TNFSF10: variants seen among roughly 807,000 people sequenced by gnomAD.
TNFSF10 encodes the protein TNF superfamily member 10.
Under a neutral mutation model 29.5 loss-of-function variants are expected in TNFSF10, and 13 were observed. The ratio of observed to expected loss-of-function variants is 0.44; its 90% confidence interval spans 0.29 to 0.70. TNFSF10 has a LOEUF of 0.70. TNFSF10 is among the 30% of genes least tolerant of loss of function. TNFSF10 has a pLI of 0.13. For missense variants in TNFSF10, 345 were observed against 330.9 expected (o/e 1.04, Z -0.33); for synonymous variants, 111 against 112.8 (o/e 0.98, Z 0.10).
chr3:172,517,890 A>G, intron 1 of TNFSF10: 12 of 985,398 alleles, frequency 1.2e-5, no homozygotes, highest in Non-Finnish European at 1.4e-5. Context: ...ATAAATATTG[A>G]TTTCTGAACA....
chr3:172,517,190 G>A (rs1713470611), intron 1 of TNFSF10, among the ~76,000 whole-genome samples: 1 of 152,238 alleles, frequency 6.6e-6, no homozygotes, highest in African/African-American at 2.4e-5. Context: ...TGATCAGGCA[G>A]TAATGGCAGC....
chr3:172,508,533 A>G (rs941426304), intron 4 of TNFSF10, among the ~76,000 whole-genome samples: 13 of 152,146 alleles, frequency 8.5e-5, no homozygotes, highest in Non-Finnish European at 1.8e-4. Context: ...TAGAACCTTT[A>G]AAGAGAAGGG....
In TNFSF10 at chr3:172,514,923, C is replaced by T. The variant is rs544142451; in HGVS notation, c.208G>A (p.Glu70Lys). ...CAGCAGGGGCTGTTCATACTCTCTT[C>T]GTCATTGGGGTCCCAATAACTGTCA... ...EDDSYWDPND[E>K]ESMNSPCWQV... Residue 70 changes from glutamate (E) to lysine (K), a missense_variant, in exon 2 of 5, where the codon GAA becomes AAA. Glu to Lys is a moderately conservative substitution (Grantham distance 56). Transcript: ENST00000241261. 1.6e-5 allele frequency: 26 copies of T among 1,614,140 alleles called. No individual in the cohort carries two copies. Among genetic ancestry groups the T allele is most frequent in the East Asian group, 6.7e-5 (3 of 44,896 alleles).
At chr3:172,518,097 C>T (rs1713515831) in intron 1 of TNFSF10, 1 of 1,012,732 alleles carries the variant, frequency 9.9e-7, no homozygotes, top group South Asian at 3.8e-5. Flanking sequence ...CCCATCCTTT[C>T]CACTTCAAAA....
chr3:172,522,471 A>G (rs1322421120), intron 1 of TNFSF10: 1 of 1,311,252 alleles, frequency 7.6e-7, no homozygotes, highest in South Asian at 1.2e-5. Flanking sequence ...ATTGGTTAGA[A>G]TCTCTTACTG....
At chr3:172,511,800 C>A in intron 2 of TNFSF10, 141 bp from the exon 3 acceptor site, 2 of 636,874 alleles carry the variant, frequency 3.1e-6, no homozygotes, top group East Asian at 2.9e-5. Flanking sequence ...GTTGGTCAAG[C>A]ATAGGGTCTG....
At position 172,509,314 on chromosome 3, in the gene TNFSF10, T is replaced by C; in HGVS notation, c.321A>G (p.Gln107=). 6.2e-7 allele frequency: 1 copy of C among 1,613,368 alleles called. No individual in the cohort carries two copies. Among genetic ancestry groups the C allele is most frequent in the Non-Finnish European group, 8.5e-7 (1 of 1,179,660 alleles). The stretch of plus-strand genomic sequence containing the variant: ...CTCTCACTAGGGGAGAAATATTTTG[T>C]TGCTTTTCTAAAAGAGAAATGATAA... ...EETISTVQEK[Q]QNISPLVRER... is the part of the protein sequence containing the mutation. The change falls in exon 4 of 5, where the codon CAA becomes CAG. Residue 107 remains glutamine (Q), a synonymous_variant. Transcript: ENST00000241261.
chr3:172,509,271 C>G lies in TNFSF10; in HGVS notation c.364G>C (p.Val122Leu), dbSNP rs751437663. The change falls in exon 4 of 5, where the codon GTA (valine) becomes CTA (leucine). Residue 122 changes from valine (V) to leucine (L), a missense_variant. Coordinates refer to ENST00000241261, the MANE Select transcript of TNFSF10 (RefSeq NM_003810.4). ...CTGGTCCCAGTTATGTGAGCTGCTA[C>G]TCTCTGAGGACCTCTTTCTCTCACT... The part of the protein sequence containing the change: ...PLVRERGPQR[V>L]AAHITGTRGR... The G allele has an allele frequency of 3.1e-6, 5 of 1,613,914 alleles. No homozygotes were observed. Among genetic ancestry groups the G allele is most frequent in the Non-Finnish European group, 4.2e-6 (5 of 1,179,896 alleles).
rs1712986653 is a variant in TNFSF10 at position 172,506,478 on chromosome 3, T to G, written c.*14A>C. The G allele has an allele frequency of 1.3e-6, 2 of 1,581,442 alleles. No individual in the cohort carries two copies. Among genetic ancestry groups the G allele is most frequent in the Non-Finnish European group, 1.7e-6 (2 of 1,168,138 alleles). On this transcript the variant is annotated 3_prime_UTR_variant, in exon 5 of 5. Transcript: ENST00000241261. Reference sequence around the variant, plus strand: ...TAGTCACTTTGAGGTTATTGCTTTTTCTTTCCAGGTCAGTTAGCCAACTAA... The same window carrying G: ...TAGTCACTTTGAGGTTATTGCTTTTGCTTTCCAGGTCAGTTAGCCAACTAA...
At chr3:172,508,475 T>C (rs1713086524) in intron 4 of TNFSF10, among the ~76,000 whole-genome samples, 1 of 151,862 alleles carries the variant, frequency 6.6e-6, no homozygotes, top group African/African-American at 2.4e-5. Flanking sequence ...TAATTTAATG[T>C]AAATGCCACT....
chr3:172,518,670 T>G (rs904695474), intron 1 of TNFSF10, among the ~76,000 whole-genome samples: 3 of 152,242 alleles, frequency 2.0e-5, no homozygotes, highest in Non-Finnish European at 4.4e-5. Context: ...CAATCCAATG[T>G]TATGAAGCCT....
At chr3:172,512,960 G>C (rs538679701) in intron 2 of TNFSF10, among the ~76,000 whole-genome samples, 1 of 152,246 alleles carries the variant, frequency 6.6e-6, no homozygotes, top group African/African-American at 2.4e-5. Context: ...ATTATTCAGA[G>C]CTGTCGTGAG....
At chr3:172,520,646 G>C (rs1435431710) in intron 1 of TNFSF10, among the ~76,000 whole-genome samples, 1 of 152,124 alleles carries the variant, frequency 6.6e-6, no homozygotes, top group East Asian at 1.9e-4. Context: ...AGTATGTAGT[G>C]AACCACAAGT....
Position 172,514,909 on chromosome 3 carries a change from G to C in TNFSF10, c.222C>G (p.Asn74Lys), listed in dbSNP as rs781673405. The C allele has an allele frequency of 1.2e-5, 19 of 1,614,150 alleles. No individual in the cohort carries two copies. Among genetic ancestry groups the C allele is most frequent in the Admixed American group, 6.7e-5 (4 of 60,016 alleles). Residue 74 changes from asparagine (N) to lysine (K), a missense_variant, in exon 2 of 5, where the codon AAC (asparagine) becomes AAG (lysine). Asn to Lys is a moderately conservative substitution (Grantham distance 94). Transcript: ENST00000241261. ...GCCACTTGACTTGCCAGCAGGGGCT[G>C]TTCATACTCTCTTCGTCATTGGGGT... is the stretch of plus-strand genomic sequence containing the variant. ...YWDPNDEESMNSPCWQVKWQL... is the reference protein window; with the variant it reads ...YWDPNDEESMKSPCWQVKWQL...
In TNFSF10 at chr3:172,517,432, A is replaced by G. The variant is rs1335390597; in HGVS notation, c.133-2434T>C. The G allele has an allele frequency of 5.1e-6, 5 of 985,320 alleles. No individual in the cohort carries two copies. The South Asian group carries it at 2.4e-4, about 46-fold the overall frequency. The allele number at this position is 985,320 out of a possible 1,614,324, so 61.0% of individuals were successfully genotyped here. On this transcript the variant is annotated intron_variant, in intron 1 of 4. Transcript: ENST00000241261. ...AGTTAATGTAGCTACATTATTACCC[A>G]GGAGTTTATAAAGCCTGGATACATT...
At position 172,506,902 on chromosome 3, in the gene TNFSF10, C is replaced by T; in HGVS notation, c.436G>A (p.Ala146Thr). 1 of 1,603,114 alleles carries T rather than the reference C, an allele frequency of 6.2e-7. No individual in the cohort carries two copies. The part of the protein sequence containing the change: ...LSSPNSKNEK[A>T]LGRKINSWES... ...CAGGAGTTTATTTTGCGGCCCAGAG[C>T]CTTTTCATTCTTGGAGTCTGTAGGA... Residue 146 changes from alanine (A) to threonine (T), a missense_variant, in exon 5 of 5, where the codon GCT becomes ACT. Coordinates refer to ENST00000241261, the MANE Select transcript of TNFSF10 (RefSeq NM_003810.4).
intron 1 of TNFSF10, among the ~76,000 whole-genome samples, chr3:172,521,511 A>C (rs1461714595): frequency 6.6e-6 from 1 of 152,212 alleles, no homozygotes; most frequent in East Asian, 1.9e-4. Context: ...ATACCATCTC[A>C]CTCCAGTTAG....
At chr3:172,515,371 A>G (rs990937307) in intron 1 of TNFSF10, among the ~76,000 whole-genome samples, 1 of 152,184 alleles carries the variant, frequency 6.6e-6, no homozygotes, top group African/African-American at 2.4e-5. Context: ...CAGTTCTGCC[A>G]TGGTATGTAT....
chr3:172,516,195 C>T (rs1315444306), intron 1 of TNFSF10, among the ~76,000 whole-genome samples: 3 of 148,572 alleles, frequency 2.0e-5, no homozygotes, highest in Admixed American at 6.8e-5. Flanking sequence ...ACCCGGGAGG[C>T]GGAGCTTGCA....
Sources: allele counts gnomAD v4.1 joint callset (sites outside exome capture counted in the v4.1 genomes callset), GRCh38; gene constraint gnomAD v4.1.1; transcripts MANE v1.5; gene names NCBI Gene and HGNC (gene_info 2026-07-23, HGNC 2026-07-21).